Variants in DARS2 observed in about 807,000 individuals in gnomAD.
DARS2 encodes the protein aspartate--tRNA ligase, mitochondrial.
DARS2 carries 63 observed loss-of-function variants against 83.0 expected under a neutral mutation model. That is an observed-to-expected ratio of 0.76 (90% CI 0.62 to 0.94). The LOEUF (loss-of-function observed/expected upper bound fraction) is 0.94, where lower values mean the gene tolerates loss of function less well. DARS2 is among the 40% of genes least tolerant of loss of function. The pLI is 0.00. For synonymous variants in DARS2, 250 were observed against 269.3 expected (o/e 0.93, Z 0.70); for missense variants, 675 against 774.4 (o/e 0.87, Z 1.52).
At position 173,825,357 on chromosome 1, in the gene DARS2, G is replaced by A. The variant is rs869312918; in HGVS notation, c.127+1G>A. The A allele has an allele frequency of 6.2e-7, 1 of 1,612,776 alleles. No homozygotes were observed. On this transcript the variant is annotated splice_donor_variant, in intron 1 of 16. Transcript: ENST00000649689. LOFTEE classifies it high-confidence loss of function. Reference sequence around the variant, plus strand: ...CAGAGTTCACAGAGGAGAATTCCAGGTGAAAATAGCGAAGAGATCTATCCT... The same window carrying A: ...CAGAGTTCACAGAGGAGAATTCCAGATGAAAATAGCGAAGAGATCTATCCT...
chr1:173,831,391 G>A, intron 4 of DARS2, 144 bp from the exon 5 acceptor site: 1 of 749,720 alleles, frequency 1.3e-6, no homozygotes, highest in Non-Finnish European at 2.4e-6. Flanking sequence ...TCAAAATCAT[G>A]CACAGACATG....
At chr1:173,851,372 T>C (rs1653662010) in intron 13 of DARS2, among the ~76,000 whole-genome samples, 1 of 152,066 alleles carries the variant, frequency 6.6e-6, no homozygotes, top group African/African-American at 2.4e-5. Flanking sequence ...ATTAGTCATA[T>C]AACCATGAAA....
chr1:173,855,993 A>G (rs1653847070), intron 15 of DARS2, among the ~76,000 whole-genome samples: 1 of 152,036 alleles, frequency 6.6e-6, no homozygotes, highest in Admixed American at 6.6e-5. Context: ...TTCCCTAAAT[A>G]GTGGTTCTCA....
chr1:173,826,839 A>G, intron 2 of DARS2, 53 bp downstream of exon 2: 1 of 1,296,896 alleles, frequency 7.7e-7, no homozygotes, highest in East Asian at 2.3e-5. Flanking sequence ...TCCCAGGGCA[A>G]TTCCAAACCT....
At chr1:173,829,682 G>T (rs1341894514) in intron 3 of DARS2, among the ~76,000 whole-genome samples, 4 of 152,016 alleles carry the variant, frequency 2.6e-5, no homozygotes, top group Admixed American at 2.0e-4. Flanking sequence ...GGCTGAGGCA[G>T]GTGGATCTCG....
At chr1:173,827,070 A>G (rs1234310123) in intron 2 of DARS2, among the ~76,000 whole-genome samples, 2 of 152,180 alleles carry the variant, frequency 1.3e-5, no homozygotes, top group Non-Finnish European at 2.9e-5. Context: ...CTGAAATGAT[A>G]CTGGGCTTAC....
chr1:173,850,480 G>A lies in DARS2; in HGVS notation c.1344+1G>A, dbSNP rs1488348303. ...AACTGCTGGAGAGCACAATAAAGCA[G>A]TAAGAAAAATTACTTCCAAGCATCA... On this transcript the variant is annotated splice_donor_variant, in intron 13 of 16. Transcript: ENST00000649689. LOFTEE classifies it high-confidence loss of function. 1.2e-6 allele frequency: 2 copies of A among 1,612,844 alleles called. No individual in the cohort carries two copies. Among genetic ancestry groups the A allele is most frequent in the East Asian group, 2.2e-5 (1 of 44,808 alleles).
At chr1:173,842,061 A>AAG (rs1346135723) in intron 11 of DARS2, among the ~76,000 whole-genome samples, 1 of 151,708 alleles carries the variant, frequency 6.6e-6, no homozygotes, top group Non-Finnish European at 1.5e-5. Flanking sequence ...GTGGGAGTAG[A>AAG]AGAGAGAGAG....
intron 11 of DARS2, among the ~76,000 whole-genome samples, chr1:173,843,747 T>G (rs1653318686): frequency 6.6e-6 from 1 of 152,198 alleles, no homozygotes; most frequent in African/African-American, 2.4e-5. Context: ...TGAGCTGTTC[T>G]TGGGAGAAGC....
intron 5 of DARS2, 62 bp from the exon 6 acceptor site, chr1:173,833,313 TA>T: frequency 1.4e-6 from 2 of 1,446,846 alleles, no homozygotes; most frequent in Middle Eastern, 4.9e-4. Context: ...AAACTCTTTC[TA>T]AAGATAATAC....
Position 173,856,663 on chromosome 1 carries a change from CAGG to C in DARS2, c.1677_1679del (p.Glu559del). 6.2e-7 allele frequency: 1 copy of C among 1,613,570 alleles called. No homozygotes were observed. Among genetic ancestry groups the C allele is most frequent in the Non-Finnish European group, 8.5e-7 (1 of 1,179,606 alleles). On this transcript the variant is annotated splice_acceptor_variant and coding_sequence_variant, in exon 16 of 17. Transcript: ENST00000649689. LOFTEE classifies it high-confidence loss of function. ...TTAAACTGAATTATCTTTTGAATTT[CAGG>C]AGGATGTGAAAATGCTCTCCCATCT...
chr1:173,831,517 T>C lies in DARS2; in HGVS notation c.397-18T>C, dbSNP rs1304827818. On this transcript the variant is annotated intron_variant, in intron 4 of 16. Coordinates refer to ENST00000649689, the MANE Select transcript of DARS2 (RefSeq NM_018122.5). ...CCTGATGAGTAATTTTTAAAACCCT[T>C]CCTTCTCACTCTCCAAGAAAATGCC... 6.3e-7 allele frequency: 1 copy of C among 1,583,634 alleles called. No homozygotes were observed. The highest frequency in any genetic ancestry group is 1.7e-5 in the Admixed American group (1 of 59,986).
At chr1:173,829,130 C>A (rs1242971994) in intron 3 of DARS2, among the ~76,000 whole-genome samples, 1 of 152,082 alleles carries the variant, frequency 6.6e-6, no homozygotes, top group African/African-American at 2.4e-5. Context: ...TACAAAAGAG[C>A]AGCTGTTAAA....
chr1:173,844,100 G>A (rs1313962551), intron 11 of DARS2, among the ~76,000 whole-genome samples: 2 of 152,128 alleles, frequency 1.3e-5, no homozygotes, highest in Admixed American at 1.3e-4. Flanking sequence ...TCATGCTCTC[G>A]AAAGGAGGGG....
chr1:173,838,883 G>A (rs1259695644), intron 9 of DARS2, among the ~76,000 whole-genome samples: 5 of 151,952 alleles, frequency 3.3e-5, no homozygotes, highest in East Asian at 3.9e-4. Flanking sequence ...CTACAGATGC[G>A]TGCCACCATG....
chr1:173,857,403 T>C (rs1271788139), intron 16 of DARS2, 115 bp from the exon 17 acceptor site: 13 of 1,050,602 alleles, frequency 1.2e-5, no homozygotes, highest in Admixed American at 4.0e-5. Flanking sequence ...GATGGTTGGC[T>C]ACAGTTTGTT....
At chr1:173,829,430 AT>A (rs1652710046) in intron 3 of DARS2, among the ~76,000 whole-genome samples, 1 of 152,140 alleles carries the variant, frequency 6.6e-6, no homozygotes, top group Admixed American at 6.5e-5. Flanking sequence ...TTTAATTACC[AT>A]TGAAATTAGA....
At chr1:173,848,551 A>G (rs1185641723) in intron 12 of DARS2, among the ~76,000 whole-genome samples, 2 of 152,244 alleles carry the variant, frequency 1.3e-5, no homozygotes, top group African/African-American at 4.8e-5. Flanking sequence ...AAATAGCAAC[A>G]GTGCATTGCT....
intron 13 of DARS2, among the ~76,000 whole-genome samples, chr1:173,851,288 C>T (rs1653658780): frequency 6.6e-6 from 1 of 151,236 alleles, no homozygotes; most frequent in African/African-American, 2.4e-5. Context: ...TAGCTACCAG[C>T]CTCCATTGGC....
Sources: allele counts gnomAD v4.1 joint callset (sites outside exome capture counted in the v4.1 genomes callset), GRCh38; gene constraint gnomAD v4.1.1; transcripts MANE v1.5; gene names NCBI Gene and HGNC (gene_info 2026-07-23, HGNC 2026-07-21).